RAB31: variants seen among roughly 807,000 people sequenced by gnomAD.
RAB31 encodes the protein RAB31, member RAS oncogene family, also known as ras-related protein Rab-31.
RAB31 carries 21 observed loss-of-function variants against 25.6 expected under a neutral mutation model. The observed-to-expected ratio is 0.82, with a 90% CI of 0.58 to 1.18. The LOEUF (loss-of-function observed/expected upper bound fraction) is 1.18. RAB31 is among the 50% of genes most tolerant of loss of function. The pLI is 0.00. For synonymous variants in RAB31, 87 were observed against 84.0 expected, an observed-to-expected ratio of 1.04 and a Z score of -0.20; for missense variants, 196 against 250.1, an observed-to-expected ratio of 0.78 and a Z score of 1.46.
chr18:9,712,471 C>G (rs2068022467), intron 1 of RAB31, among the ~76,000 whole-genome samples: 1 of 152,248 alleles, frequency 6.6e-6, no homozygotes, highest in Non-Finnish European at 1.5e-5. Flanking sequence ...ATTCGTCCCA[C>G]TTTGTGATCT....
At chr18:9,716,933 T>TCTTTCTTTC (rs1555682999) in intron 1 of RAB31, among the ~76,000 whole-genome samples, 119 of 141,294 alleles carry the variant, frequency 8.4e-4, no homozygotes, top group African/African-American at 1.0e-3. Flanking sequence ...TTTCTTTCTT[T>TCTTTCTTTC]TTTTTTTGGT....
intron 4 of RAB31, 48 bp downstream of exon 4, chr18:9,814,139 TCACTTA>T (rs1427187397): frequency 1.5e-5 from 21 of 1,388,408 alleles, no homozygotes; most frequent in Admixed American, 1.2e-4. Context: ...GGTGGTTCTC[TCACTTA>T]GAGAGACTGG....
intron 5 of RAB31, among the ~76,000 whole-genome samples, chr18:9,831,634 T>G (rs1027604292): frequency 6.6e-6 from 1 of 152,206 alleles, no homozygotes; most frequent in East Asian, 1.9e-4. Context: ...CACGGCGCTG[T>G]GGCATGGCCC....
intron 2 of RAB31, among the ~76,000 whole-genome samples, chr18:9,786,115 A>C (rs1568178708): frequency 1.3e-5 from 2 of 151,920 alleles, no homozygotes; most frequent in South Asian, 2.1e-4. Flanking sequence ...TATGTAATGA[A>C]GCCTCTGTCA....
chr18:9,842,117 A>G (rs933831522), intron 5 of RAB31, among the ~76,000 whole-genome samples: 6 of 152,074 alleles, frequency 3.9e-5, no homozygotes, highest in Admixed American at 1.3e-4. Context: ...TGGGACAAGG[A>G]GCTTCCAGCC....
At chr18:9,781,179 T>C (rs117286293) in intron 2 of RAB31, among the ~76,000 whole-genome samples, 1,582 of 152,334 alleles carry the variant, frequency 0.01, 11 homozygotes, top group Non-Finnish European at 0.018. Flanking sequence ...TTTTTAACTT[T>C]ATAAAATTGT....
intron 6 of RAB31, among the ~76,000 whole-genome samples, chr18:9,857,112 A>G (rs1208729476): frequency 6.6e-6 from 1 of 152,084 alleles, no homozygotes; most frequent in Non-Finnish European, 1.5e-5. Context: ...TCTGTTGGCT[A>G]CACAAAATGG....
At chr18:9,737,813 T>C (rs550729243) in intron 1 of RAB31, among the ~76,000 whole-genome samples, 2 of 152,230 alleles carry the variant, frequency 1.3e-5, no homozygotes, top group South Asian at 4.1e-4. Flanking sequence ...GTCCATAGCA[T>C]AAGGAAACCA....
intron 3 of RAB31, among the ~76,000 whole-genome samples, chr18:9,796,541 T>C (rs2068487850): frequency 6.6e-6 from 1 of 152,188 alleles, no homozygotes. Flanking sequence ...TGTTTCACTG[T>C]TATGTACTTT....
intron 2 of RAB31, chr18:9,787,907 G>A (rs1304165365): frequency 6.6e-6 from 1 of 152,216 alleles, no homozygotes; most frequent in Non-Finnish European, 1.5e-5. Flanking sequence ...ACCATCAGAG[G>A]AGTCAGATGA....
At chr18:9,749,553 C>T (rs888253247) in intron 1 of RAB31, among the ~76,000 whole-genome samples, 1 of 152,142 alleles carries the variant, frequency 6.6e-6, no homozygotes. Context: ...GTCCAGTTCC[C>T]TAAGGTGTGT....
intron 5 of RAB31, among the ~76,000 whole-genome samples, chr18:9,827,364 C>T (rs903100982): frequency 2.0e-5 from 3 of 151,978 alleles, no homozygotes; most frequent in Admixed American, 6.5e-5. Flanking sequence ...GGGAAGTTAC[C>T]CAACAACAGT....
chr18:9,845,531 T>C (rs1364410303), intron 5 of RAB31, 51 bp from the exon 6 acceptor site: 2 of 1,455,990 alleles, frequency 1.4e-6, no homozygotes, highest in Non-Finnish European at 1.8e-6. Context: ...GGGTGATTTG[T>C]ATTTTACAAA....
intron 5 of RAB31, among the ~76,000 whole-genome samples, chr18:9,831,931 G>A (rs936535844): frequency 6.6e-6 from 1 of 152,206 alleles, no homozygotes; most frequent in African/African-American, 2.4e-5. Context: ...GCAAGTGGAG[G>A]CAGAGCTGTG....
At position 9,792,143 on chromosome 18, in the gene RAB31, T is replaced by C. The variant is rs2068463687; in HGVS notation, c.120-11T>C. On this transcript the variant is annotated splice_polypyrimidine_tract_variant and intron_variant, in intron 2 of 6. Transcript: ENST00000578921. Reference sequence around the variant, plus strand: ...TGCAGTAATGTGGAGATGCTGACTCTCTTTTTTCAGGGCATCTTTTATGAC... The same window carrying C: ...TGCAGTAATGTGGAGATGCTGACTCCCTTTTTTCAGGGCATCTTTTATGAC... 4 of 1,605,660 alleles carry C rather than the reference T, an allele frequency of 2.5e-6. No individual in the cohort carries two copies. Among genetic ancestry groups the C allele is most frequent in the African/African-American group, 2.7e-5 (2 of 74,982 alleles).
chr18:9,855,487 G>A (rs2068811330), intron 6 of RAB31, among the ~76,000 whole-genome samples: 1 of 152,116 alleles, frequency 6.6e-6, no homozygotes, highest in Non-Finnish European at 1.5e-5. Context: ...TGATTCAACA[G>A]AGTTCCAAGG....
intron 5 of RAB31, among the ~76,000 whole-genome samples, chr18:9,826,366 A>T (rs1234139348): frequency 6.6e-6 from 1 of 152,156 alleles, no homozygotes; most frequent in African/African-American, 2.4e-5. Flanking sequence ...ACAGAGCGAG[A>T]CATTGTCTCA....
chr18:9,728,098 T>C (rs991294887), intron 1 of RAB31, among the ~76,000 whole-genome samples: 3 of 152,240 alleles, frequency 2.0e-5, no homozygotes, highest in Non-Finnish European at 4.4e-5. Flanking sequence ...TTCTTGTGTA[T>C]TTTTTAAGCT....
rs981499688 is a variant in RAB31 at position 9,859,658 on chromosome 18, G to A, written c.*333G>A. 1.1e-5 allele frequency: 2 copies of A among 182,900 alleles called. No homozygotes were observed. Among genetic ancestry groups the A allele is most frequent in the African/African-American group, 4.7e-5 (2 of 42,456 alleles). 11.3% of individuals were successfully genotyped at this position (182,900 alleles called of 1,614,324 possible). A position where few individuals can be genotyped will look rare whatever the true frequency, so the allele number is the denominator to read the frequency against. Reference sequence around the variant, plus strand: ...AGTCTTACTGCCTTATTATGTGTATGGGATTCTAAAGTGGCATTCCACTTG... The same window carrying A: ...AGTCTTACTGCCTTATTATGTGTATAGGATTCTAAAGTGGCATTCCACTTG... On this transcript the variant is annotated 3_prime_UTR_variant, in exon 7 of 7. Coordinates refer to ENST00000578921, the MANE Select transcript of RAB31 (RefSeq NM_006868.4).
Sources: gnomAD v4.1 joint callset for allele counts (sites outside exome capture counted in the v4.1 genomes callset) on GRCh38, gnomAD v4.1.1 for gene constraint, MANE v1.5 for transcripts, NCBI Gene and HGNC (gene_info 2026-07-23, HGNC 2026-07-21) for gene names.